The following CCDC73 variants were observed in gnomAD, a reference collection of about 807,000 sequenced individuals.
CCDC73 encodes coiled-coil domain-containing protein 73.
Under a neutral mutation model 116.5 loss-of-function variants are expected in CCDC73, and 95 were observed. The observed-to-expected ratio is 0.82, with a 90% confidence interval of 0.69 to 0.97. The LOEUF is 0.97. CCDC73 is among the 50% of genes least tolerant of loss of function. CCDC73 has a pLI of 0.00. For missense variants in CCDC73, 1,066 were observed against 1,206.8 expected (o/e 0.88, Z 1.73); for synonymous variants, 398 against 401.3 (o/e 0.99, Z 0.10).
At chr11:32,694,975 G>A (rs1056253914) in intron 6 of CCDC73, among the ~76,000 whole-genome samples, 5 of 152,198 alleles carry the variant, frequency 3.3e-5, no homozygotes, top group African/African-American at 1.2e-4. Flanking sequence ...GTTGCCGTAA[G>A]TGACTTTCAA....
the CCDC73 span, among the ~76,000 whole-genome samples, chr11:32,807,597 C>CT: frequency 0.53 from 78,676 of 148,764 alleles, 20,827 homozygotes; most frequent in East Asian, 0.71. Flanking sequence ...TTTTTGGCAA[C>CT]TTTTTTTTTT....
intron 12 of CCDC73, among the ~76,000 whole-genome samples, chr11:32,644,369 A>T (rs1042441869): frequency 3.3e-5 from 5 of 152,194 alleles, no homozygotes; most frequent in Admixed American, 1.3e-4. Context: ...CCAATCAGGT[A>T]CTATACTTAT....
the CCDC73 span, chr11:32,830,040 C>T: frequency 3.1e-5 from 31 of 987,146 alleles, no homozygotes; most frequent in East Asian, 2.1e-3. Context: ...GCCATCCAGA[C>T]CCTGCGGAGA....
chr11:32,830,402 T>C, the CCDC73 span: 1 of 1,012,060 alleles, frequency 9.9e-7, no homozygotes, highest in South Asian at 3.0e-5. Context: ...CGGGCGCTCT[T>C]GCGCCTAGGC....
intron 1 of CCDC73, among the ~76,000 whole-genome samples, chr11:32,771,374 C>T (rs752787826): frequency 7.9e-5 from 12 of 152,160 alleles, no homozygotes; most frequent in Non-Finnish European, 1.8e-4. Context: ...GGGGACCACT[C>T]CCGGGTTGCA....
intron 14 of CCDC73, among the ~76,000 whole-genome samples, chr11:32,617,741 G>A (rs533118303): frequency 9.2e-5 from 14 of 152,308 alleles, no homozygotes; most frequent in Admixed American, 4.6e-4. Context: ...CATTCCTTGA[G>A]CGAGAAAACA....
intron 1 of CCDC73, among the ~76,000 whole-genome samples, chr11:32,772,340 TA>T (rs1850498663): frequency 6.6e-6 from 1 of 151,896 alleles, no homozygotes; most frequent in African/African-American, 2.4e-5. Context: ...GTCAATATTA[TA>T]AAAAACAAAA....
intron 9 of CCDC73, among the ~76,000 whole-genome samples, chr11:32,673,936 A>G (rs935103355): frequency 6.6e-6 from 1 of 152,114 alleles, no homozygotes; most frequent in Admixed American, 6.5e-5. Context: ...CCAATTTGAG[A>G]GAAGTAGTGA....
intron 7 of CCDC73, chr11:32,682,754 A>C (rs530692943): frequency 6.6e-6 from 1 of 152,112 alleles, no homozygotes; most frequent in East Asian, 1.9e-4. Context: ...AAAAATATCA[A>C]AGTAAATATT....
intron 3 of CCDC73, among the ~76,000 whole-genome samples, chr11:32,706,404 A>AACACAAATAAAATAAACTAATGGCT (rs1156508095): frequency 1.3e-5 from 2 of 152,232 alleles, no homozygotes; most frequent in Admixed American, 6.5e-5. Context: ...AAAGGCTTAG[A>AACACAAATAAAATAAACTAATGGCT]ACACAAATAA....
At chr11:32,758,398 C>A in intron 2 of CCDC73, 2 of 504,378 alleles carry the variant, frequency 4.0e-6, no homozygotes, top group Non-Finnish European at 7.9e-6. Context: ...GCACCAAAAT[C>A]TCCACGTGGC....
At chr11:32,826,179 A>G in the CCDC73 span, among the ~76,000 whole-genome samples, 1 of 152,234 alleles carries the variant, frequency 6.6e-6, no homozygotes, top group African/African-American at 2.4e-5. Flanking sequence ...ATCTGAAAAT[A>G]CCTGCATGTA....
At chr11:32,627,806 A>T (rs181509490) in intron 14 of CCDC73, among the ~76,000 whole-genome samples, 42 of 152,142 alleles carry the variant, frequency 2.8e-4, no homozygotes, top group Non-Finnish European at 1.0e-4. Context: ...ATCATCACAC[A>T]CCGGGGCCTG....
chr11:32,823,913 G>A, the CCDC73 span, among the ~76,000 whole-genome samples: 10 of 151,900 alleles, frequency 6.6e-5, no homozygotes, highest in African/African-American at 2.4e-4. Flanking sequence ...GTTTTGTTTT[G>A]AGACAGAGTC....
intron 1 of CCDC73, among the ~76,000 whole-genome samples, chr11:32,762,315 T>G (rs1850399394): frequency 6.6e-6 from 1 of 152,204 alleles, no homozygotes; most frequent in Non-Finnish European, 1.5e-5. Context: ...TGGAATCAAA[T>G]TCTAAATTCT....
intron 2 of CCDC73, among the ~76,000 whole-genome samples, chr11:32,744,299 A>T (rs1772155908): frequency 6.6e-6 from 1 of 152,136 alleles, no homozygotes; most frequent in Non-Finnish European, 1.5e-5. Context: ...GTGCTGCTGG[A>T]TTTGGTTTGC....
intron 9 of CCDC73, among the ~76,000 whole-genome samples, chr11:32,665,551 T>C (rs1326763988): frequency 1.3e-5 from 2 of 152,222 alleles, no homozygotes; most frequent in Non-Finnish European, 2.9e-5. Context: ...CCTATGTGTG[T>C]CTCTGCACGT....
intron 2 of CCDC73, among the ~76,000 whole-genome samples, chr11:32,728,895 G>A (rs140119436): frequency 0.024 from 3,664 of 152,116 alleles, 137 homozygotes; most frequent in African/African-American, 0.084. Context: ...AGTAGAGATG[G>A]GGTTTCACCA....
intron 1 of CCDC73, among the ~76,000 whole-genome samples, chr11:32,794,119 G>A (rs1205276884): frequency 6.6e-6 from 1 of 152,060 alleles, no homozygotes; most frequent in African/African-American, 2.4e-5. Flanking sequence ...AAAACATTCT[G>A]CAAAAAGTAA....
Sources: allele counts gnomAD v4.1 joint callset (sites outside exome capture counted in the v4.1 genomes callset), GRCh38; gene constraint gnomAD v4.1.1; transcripts MANE v1.5; gene names NCBI Gene and HGNC (gene_info 2026-07-23, HGNC 2026-07-21).